The following LYPLA1 variants were observed in gnomAD, a reference collection of about 807,000 sequenced individuals.
LYPLA1 encodes the protein lysophospholipase 1.
A neutral mutation model predicts 34.0 loss-of-function variants in LYPLA1; 17 were observed. That is an observed-to-expected ratio of 0.50 (90% CI 0.34 to 0.75). LYPLA1 has a LOEUF of 0.75. Among genes scored for constraint, LYPLA1 ranks in the 30% least tolerant of loss-of-function variants. The probability of loss-of-function intolerance (pLI) is 0.01; values close to 1 mark genes in which losing one functional copy is unlikely to be tolerated. For missense variants in LYPLA1, 203 were observed against 288.8 expected, an observed-to-expected ratio of 0.70 and a Z score of 2.15; for synonymous variants, 98 against 100.8, an observed-to-expected ratio of 0.97 and a Z score of 0.17.
At chr8:54,052,814 G>C (rs1209589619) in intron 6 of LYPLA1, 58 bp from the exon 7 acceptor site, 2 of 1,054,932 alleles carry the variant, frequency 1.9e-6, no homozygotes, top group Admixed American at 1.9e-5. Context: ...CAGCAATTTA[G>C]GGAATATCTT....
intron 2 of LYPLA1, among the ~76,000 whole-genome samples, chr8:54,086,236 G>A (rs989930631): frequency 2.0e-5 from 3 of 151,622 alleles, no homozygotes; most frequent in South Asian, 2.1e-4. Flanking sequence ...CAGCATACTC[G>A]TTAAGAGTCA....
At chr8:54,085,962 T>G (rs897909251) in intron 2 of LYPLA1, among the ~76,000 whole-genome samples, 7 of 152,136 alleles carry the variant, frequency 4.6e-5, no homozygotes, top group African/African-American at 1.7e-4. Context: ...GAACGGGCCA[T>G]GATGACGATG....
At chr8:54,050,818 T>C (rs1490578212) in intron 8 of LYPLA1, among the ~76,000 whole-genome samples, 194 bp downstream of exon 8, 1 of 152,258 alleles carries the variant, frequency 6.6e-6, no homozygotes, top group Non-Finnish European at 1.5e-5. Context: ...TTATGTACAA[T>C]GCTGTGTATA....
At chr8:54,094,731 A>G (rs1181855728) in intron 2 of LYPLA1, among the ~76,000 whole-genome samples, 10 of 152,238 alleles carry the variant, frequency 6.6e-5, no homozygotes, top group Admixed American at 3.9e-4. Context: ...CAGGAAACAT[A>G]TAAGACAATC....
chr8:54,084,163 T>TAA (rs1158925333), intron 2 of LYPLA1, among the ~76,000 whole-genome samples: 8 of 132,588 alleles, frequency 6.0e-5, no homozygotes, highest in African/African-American at 2.6e-4. Context: ...TATATATATA[T>TAA]AAAATAAAGA....
At chr8:54,084,868 A>T (rs1208408905) in intron 2 of LYPLA1, among the ~76,000 whole-genome samples, 1 of 152,248 alleles carries the variant, frequency 6.6e-6, no homozygotes, top group African/African-American at 2.4e-5. Flanking sequence ...ACAGGCCTGT[A>T]ACAAGGAATT....
chr8:54,048,262 T>C (rs751779989), intron 8 of LYPLA1, 144 bp from the exon 9 acceptor site: 22 of 599,610 alleles, frequency 3.7e-5, no homozygotes, highest in Non-Finnish European at 6.0e-5. Flanking sequence ...AAAAGAGAAA[T>C]GAGGCTCCAA....
At chr8:54,086,281 TAC>T (rs1808759398) in intron 2 of LYPLA1, among the ~76,000 whole-genome samples, 1 of 151,724 alleles carries the variant, frequency 6.6e-6, no homozygotes, top group Non-Finnish European at 1.5e-5. Flanking sequence ...CCAGGGACTG[TAC>T]ACTGAGGAAG....
chr8:54,073,323 T>C (rs1456898327), intron 2 of LYPLA1: 4 of 858,578 alleles, frequency 4.7e-6, no homozygotes, highest in Non-Finnish European at 8.1e-6. Flanking sequence ...GACGGAACTG[T>C]GAGCATGATG....
At chr8:54,045,918 G>C (rs532144572), downstream of LYPLA1, among the ~76,000 whole-genome samples, 1 of 152,182 alleles carries the variant, frequency 6.6e-6, no homozygotes, top group East Asian at 1.9e-4. Context: ...AAAATTAGCT[G>C]GGCATGGTGG....
intron 1 of LYPLA1, chr8:54,101,513 G>A (rs1439568188): frequency 7.9e-6 from 9 of 1,134,012 alleles, no homozygotes; most frequent in Admixed American, 4.9e-5. Flanking sequence ...GGGGGTCCCG[G>A]GGCCACACTT....
At chr8:54,043,855 C>T (rs1223945823), downstream of LYPLA1, among the ~76,000 whole-genome samples, 4 of 152,204 alleles carry the variant, frequency 2.6e-5, no homozygotes, top group East Asian at 5.8e-4. Flanking sequence ...GCCACCACAC[C>T]CGGCCTCAAA....
chr8:54,099,830 T>A (rs1287994424), intron 2 of LYPLA1, among the ~76,000 whole-genome samples: 2 of 151,998 alleles, frequency 1.3e-5, no homozygotes, highest in Non-Finnish European at 2.9e-5. Context: ...ATTACAGGCA[T>A]GCACCACCAC....
chr8:54,090,105 A>C (rs1404160843), intron 2 of LYPLA1, among the ~76,000 whole-genome samples: 1 of 152,248 alleles, frequency 6.6e-6, no homozygotes, highest in African/African-American at 2.4e-5. Flanking sequence ...GCAGATGTTC[A>C]TAGCTCTGGG....
In LYPLA1 at chr8:54,100,885, CTATTAA is replaced by C; in HGVS notation, c.101+17_101+22del. The C allele has an allele frequency of 6.3e-7, 1 of 1,593,602 alleles. No individual in the cohort carries two copies. The highest frequency in any genetic ancestry group is 8.6e-7 in the Non-Finnish European group (1 of 1,161,738). Reference sequence around the variant, plus strand: ...GCATGACCCAGTTTCATTACTGTTACTATTAATAATAATGGTACCTACCCAGTATCT... The same window carrying C: ...GCATGACCCAGTTTCATTACTGTTACTAATAATGGTACCTACCCAGTATCT... On this transcript the variant is annotated intron_variant, in intron 2 of 8. Transcript: ENST00000316963.
chr8:54,063,656 G>A (rs1277766244), intron 3 of LYPLA1, among the ~76,000 whole-genome samples: 1 of 152,166 alleles, frequency 6.6e-6, no homozygotes, highest in Admixed American at 6.5e-5. Context: ...TCTCAGACAC[G>A]AGAAGAGAAA....
Position 54,051,067 on chromosome 8 carries a change from G to A in LYPLA1, c.584C>T (p.Pro195Leu). Reference protein sequence around the residue: ...TVEKLKTLVNPANVTFKTYEG... With the variant: ...TVEKLKTLVNLANVTFKTYEG... The stretch of plus-strand genomic sequence containing the variant: ...ATAGGTTTTAAAGGTCACATTGGCT[G>A]GATTCACCAATGTTTTTAGTTTTTC... Residue 195 changes from proline (P) to leucine (L), a missense_variant, in exon 8 of 9, where the codon CCA becomes CTA. Pro to Leu is a moderately conservative substitution (Grantham distance 98). Transcript: ENST00000316963. 6.2e-7 allele frequency: 1 copy of A among 1,613,774 alleles called. No homozygotes were observed. Among genetic ancestry groups the A allele is most frequent in the Non-Finnish European group, 8.5e-7 (1 of 1,179,776 alleles).
At chr8:54,045,618 T>TA (rs1805457417), downstream of LYPLA1, 1 of 152,180 alleles carries the variant, frequency 6.6e-6, no homozygotes, top group African/African-American at 2.4e-5. Flanking sequence ...GTCACTTAAG[T>TA]ATCCAAAAGC....
intron 7 of LYPLA1, among the ~76,000 whole-genome samples, chr8:54,052,232 T>C (rs189401310): frequency 2.6e-5 from 4 of 152,336 alleles, no homozygotes; most frequent in Admixed American, 2.0e-4. Flanking sequence ...CCTTCTAATA[T>C]AAGATTTGTG....
Sources: gnomAD v4.1 joint callset for allele counts (sites outside exome capture counted in the v4.1 genomes callset) on GRCh38, gnomAD v4.1.1 for gene constraint, MANE v1.5 for transcripts, NCBI Gene and HGNC (gene_info 2026-07-23, HGNC 2026-07-21) for gene names.